Variants in MELK observed in about 807,000 individuals in gnomAD.
The protein encoded by MELK is pEg3 kinase.
In MELK, 81 loss-of-function variants were observed where a neutral mutation model predicts 85.0. That is an observed-to-expected ratio of 0.95 (90% CI 0.80 to 1.15). The LOEUF is 1.15. MELK is among the 50% of genes most tolerant of loss of function. The pLI, the probability that MELK is intolerant of heterozygous loss-of-function variation, is 0.00. For synonymous variants in MELK, 252 were observed against 265.0 expected, an observed-to-expected ratio of 0.95 and a Z score of 0.48; for missense variants, 754 against 777.5, an observed-to-expected ratio of 0.97 and a Z score of 0.36.
chr9:36,593,443 A>G (rs1823847528), intron 4 of MELK, among the ~76,000 whole-genome samples: 2 of 152,120 alleles, frequency 1.3e-5, no homozygotes, highest in Non-Finnish European at 2.9e-5. Context: ...AATACATAGC[A>G]CATGCCAACT....
Position 36,626,685 on chromosome 9 carries a change from T to C in MELK, c.667-3614T>C, listed in dbSNP as rs1029312862. Among the ~76,000 whole-genome samples the C allele has an allele frequency of 5.3e-5, 8 of 151,944 alleles. No homozygotes were observed. The East Asian group carries it at 5.8e-4, about 11-fold the overall frequency. ...AAATAGCAGCCCAAGAGGCCGGGCA[T>C]GGTGGCTCACGGCTGTAATCCCAGC... On this transcript the variant is annotated intron_variant, in intron 8 of 17. Transcript: ENST00000298048.
At chr9:36,661,951 A>C (rs1156425030) in intron 13 of MELK, among the ~76,000 whole-genome samples, 7 of 151,046 alleles carry the variant, frequency 4.6e-5, no homozygotes, top group Admixed American at 1.3e-4. Flanking sequence ...AAAAAAAAAA[A>C]AAAAACAAAA....
chr9:36,585,748 G>C (rs952796346), intron 3 of MELK, among the ~76,000 whole-genome samples: 1 of 152,068 alleles, frequency 6.6e-6, no homozygotes, highest in African/African-American at 2.4e-5. Context: ...ACTAGCCTGG[G>C]CAATATGGCA....
At chr9:36,583,304 A>G (rs894316157) in intron 2 of MELK, among the ~76,000 whole-genome samples, 4 of 152,134 alleles carry the variant, frequency 2.6e-5, no homozygotes, top group Non-Finnish European at 4.4e-5. Context: ...GAAGTTTCAT[A>G]TAATTTGTCT....
At chr9:36,632,957 C>T in intron 9 of MELK, 145 bp from the exon 10 acceptor site, 2 of 633,532 alleles carry the variant, frequency 3.2e-6, no homozygotes, top group Non-Finnish European at 5.5e-6. Context: ...GAATTTCTTC[C>T]AAGGCCATTT....
rs563238184 is a variant in MELK, at chr9:36,598,023, A to G, written c.474+733A>G. 1.2e-3 allele frequency among the ~76,000 whole-genome samples: 187 copies of G among 152,352 alleles called. 1 individual carries two copies. In the South Asian group the frequency reaches 0.014, roughly 11 times the overall value. On this transcript the variant is annotated intron_variant, in intron 6 of 17. Coordinates refer to ENST00000298048, the MANE Select transcript of MELK (RefSeq NM_014791.4). ...ACTTGTCTCGGGCTTTGGTAATCCC[A>G]TAACTGTTTCCTGCCCTGATCAGAA...
chr9:36,636,806 G>GTCTGTCTGTCTGTCTGTCTT (rs1307055019), intron 10 of MELK, among the ~76,000 whole-genome samples: 204 of 112,132 alleles, frequency 1.8e-3, no homozygotes, highest in Middle Eastern at 8.1e-3. Context: ...CTTTCTTTCT[G>GTCTGTCTGTCTGTCTGTCTT]TCTTTCTTTC....
In MELK at chr9:36,599,399, C is replaced by G; in HGVS notation, c.480C>G (p.Asn160Lys). Residue 160 changes from asparagine to lysine, a missense_variant, in exon 7 of 18, where the codon AAC becomes AAG. Asn to Lys is a moderately conservative substitution (Grantham distance 94, BLOSUM62 0). Transcript: ENST00000298048. ...DFGLCAKPKG[N>K]KDYHLQTCCG... ...CATTTTTATCTTATTGGCAGGGTAA[C>G]AAGGATTACCATCTACAGACATGCT... The G allele has an allele frequency of 6.3e-7, 1 of 1,596,122 alleles. No individual in the cohort carries two copies.
intron 5 of MELK, among the ~76,000 whole-genome samples, chr9:36,595,281 G>A (rs965418062): frequency 3.3e-5 from 5 of 151,904 alleles, no homozygotes; most frequent in African/African-American, 1.2e-4. Flanking sequence ...GACTACAGGC[G>A]CCTGCCACAA....
intron 11 of MELK, among the ~76,000 whole-genome samples, chr9:36,643,630 G>GA (rs1422539953): frequency 6.6e-6 from 1 of 151,778 alleles, no homozygotes; most frequent in East Asian, 1.9e-4. Flanking sequence ...GAATTACAGT[G>GA]AAAAAATAAT....
At chr9:36,605,115 CT>C (rs1170934857) in intron 7 of MELK, among the ~76,000 whole-genome samples, 5 of 152,108 alleles carry the variant, frequency 3.3e-5, no homozygotes, top group African/African-American at 1.2e-4. Context: ...TGGTCTTGAA[CT>C]CCCTACTTCA....
chr9:36,632,558 C>T (rs1255841914), intron 9 of MELK, among the ~76,000 whole-genome samples: 2 of 152,096 alleles, frequency 1.3e-5, no homozygotes, highest in Non-Finnish European at 2.9e-5. Flanking sequence ...AGGGCCAGAC[C>T]ACCAAATCTC....
chr9:36,581,464 C>G (rs1286834328), intron 1 of MELK, among the ~76,000 whole-genome samples, 180 bp from the exon 2 acceptor site: 2 of 151,932 alleles, frequency 1.3e-5, no homozygotes, highest in East Asian at 1.9e-4. Flanking sequence ...CTTTTTAAGT[C>G]TATCTGGAAT....
chr9:36,597,408 A>G (rs1824409234), intron 6 of MELK, 118 bp downstream of exon 6: 1 of 911,336 alleles, frequency 1.1e-6, no homozygotes, highest in Non-Finnish European at 1.7e-6. Context: ...CATTGAGAAG[A>G]ATGTTAAATT....
intron 9 of MELK, among the ~76,000 whole-genome samples, chr9:36,631,180 T>G (rs1353646447): frequency 6.6e-6 from 1 of 152,078 alleles, no homozygotes; most frequent in Non-Finnish European, 1.5e-5. Flanking sequence ...GCCAGGCTGG[T>G]CTCGAACTCC....
chr9:36,576,751 C>T (rs1821697965), intron 1 of MELK, among the ~76,000 whole-genome samples: 1 of 152,012 alleles, frequency 6.6e-6, no homozygotes, highest in African/African-American at 2.4e-5. Flanking sequence ...AGGCTGGTCT[C>T]GAACTCCTGA....
intron 8 of MELK, among the ~76,000 whole-genome samples, chr9:36,619,138 T>C (rs1587459335): frequency 6.6e-6 from 1 of 152,118 alleles, no homozygotes; most frequent in African/African-American, 2.4e-5. Context: ...TTTGTATTTT[T>C]AGTAGAGACA....
intron 8 of MELK, 61 bp from the exon 9 acceptor site, chr9:36,630,238 C>A: frequency 8.1e-7 from 1 of 1,229,798 alleles, no homozygotes; most frequent in Non-Finnish European, 1.2e-6. Flanking sequence ...CATGTTATTA[C>A]CTAAGGAATT....
chr9:36,578,227 G>T (rs1261191991), intron 1 of MELK, among the ~76,000 whole-genome samples: 4 of 135,434 alleles, frequency 3.0e-5, no homozygotes, highest in African/African-American at 1.1e-4. Context: ...TATGGTGTGA[G>T]ATAGAGATCC....
Sources: allele counts gnomAD v4.1 joint callset (sites outside exome capture counted in the v4.1 genomes callset), GRCh38; gene constraint gnomAD v4.1.1; transcripts MANE v1.5; gene names NCBI Gene and HGNC (gene_info 2026-07-23, HGNC 2026-07-21).